The following TSPAN9 variants were observed in gnomAD, a reference collection of about 807,000 sequenced individuals.
TSPAN9 encodes the protein tetraspanin-9.
Under a neutral mutation model 31.0 loss-of-function variants are expected in TSPAN9, and 16 were observed. That is an observed-to-expected ratio of 0.52 (90% CI 0.35 to 0.78). The LOEUF (loss-of-function observed/expected upper bound fraction) is 0.78, where lower values mean the gene tolerates loss of function less well. Among genes scored for constraint, TSPAN9 ranks in the 30% least tolerant of loss-of-function variants. The pLI is 0.01. For missense variants in TSPAN9, 272 were observed against 312.5 expected, an observed-to-expected ratio of 0.87 and a Z score of 0.98; for synonymous variants, 145 against 121.6, an observed-to-expected ratio of 1.19 and a Z score of -1.27.
intron 1 of TSPAN9, among the ~76,000 whole-genome samples, chr12:3,081,575 T>G (rs1245421271): frequency 6.6e-6 from 1 of 152,096 alleles, no homozygotes; most frequent in East Asian, 1.9e-4. Flanking sequence ...GGAACCCCGG[T>G]GGCATTTTCT....
chr12:3,278,294 CGTTCTCACCTTGTCG>C, intron 3 of TSPAN9, 112 bp from the exon 4 acceptor site: 1 of 1,355,536 alleles, frequency 7.4e-7, no homozygotes, highest in Non-Finnish European at 1.0e-6. Flanking sequence ...ACGGTAGTCC[CGTTCTCACCTTGTCG>C]GTTCTCACTT....
chr12:3,216,060 C>A (rs1012574793), intron 3 of TSPAN9, among the ~76,000 whole-genome samples: 2 of 152,208 alleles, frequency 1.3e-5, no homozygotes, highest in Admixed American at 6.5e-5. Context: ...CCTTCTCAGT[C>A]GCTCTGGCCT....
chr12:3,252,737 C>T (rs1316725909), intron 3 of TSPAN9, among the ~76,000 whole-genome samples: 3 of 152,208 alleles, frequency 2.0e-5, no homozygotes, highest in Non-Finnish European at 4.4e-5. Context: ...ATCCGTGTGG[C>T]CTATTTTAAA....
intron 3 of TSPAN9, among the ~76,000 whole-genome samples, chr12:3,268,134 TAG>T (rs1862571177): frequency 2.1e-5 from 3 of 146,260 alleles, no homozygotes; most frequent in Admixed American, 7.1e-5. Flanking sequence ...GCCTATTCCG[TAG>T]GTGCTGCAGC....
chr12:3,250,251 A>G (rs921186688), intron 3 of TSPAN9, among the ~76,000 whole-genome samples: 1 of 152,160 alleles, frequency 6.6e-6, no homozygotes, highest in Admixed American at 6.5e-5. Flanking sequence ...CCCATTGCGT[A>G]AAGCTCAGAC....
intron 2 of TSPAN9, among the ~76,000 whole-genome samples, chr12:3,198,019 TCACCACCAGCACAGGC>T (rs1434717439): frequency 5.7e-5 from 1 of 17,394 alleles, no homozygotes; most frequent in African/African-American, 2.3e-4. Context: ...CCAGCACAGG[TCACCACCAGCACAGGC>T]CACCACCAGC....
At position 3,147,778 on chromosome 12, in the gene TSPAN9, C is replaced by A. The variant is rs1463997941; in HGVS notation, c.-17-53399C>A. On this transcript the variant is annotated intron_variant, in intron 2 of 8. Transcript: ENST00000011898. This position sits in a 1 kb window ranked among gnomAD's most constrained non-coding sequence, Gnocchi z 4.3. ...CCACGTCGGACGGTACTGTTCTAGACCAGTAGTTTTCACCTGCAGTGTTGG... is the reference window on the plus strand; with the variant it reads ...CCACGTCGGACGGTACTGTTCTAGAACAGTAGTTTTCACCTGCAGTGTTGG... Among the ~76,000 whole-genome samples the A allele has an allele frequency of 1.3e-5, 2 of 152,150 alleles. No homozygotes were observed. Among genetic ancestry groups the A allele is most frequent in the African/African-American group, 4.8e-5 (2 of 41,418 alleles).
At chr12:3,243,225 T>A (rs544459584) in intron 3 of TSPAN9, among the ~76,000 whole-genome samples, 76 of 152,246 alleles carry the variant, frequency 5.0e-4, no homozygotes, top group Non-Finnish European at 8.4e-4. Context: ...GAGTTCCCCA[T>A]CTCGTTGTCT....
chr12:3,084,160 C>T (rs2098299260), intron 2 of TSPAN9: 1 of 152,366 alleles, frequency 6.6e-6, no homozygotes, highest in Admixed American at 6.5e-5. Flanking sequence ...CCACCGCCCT[C>T]CACCAGGACC....
rs867683897 is a variant in TSPAN9 at position 3,230,305 on chromosome 12, T to G, written c.63+29049T>G. On this transcript the variant is annotated intron_variant, in intron 3 of 8. Transcript: ENST00000011898. ...GGACCCAAGTTTAGTTTCCAGGACT[T>G]CCTGGTGTTCAGCTGGAAGAGTGGA... Among the ~76,000 whole-genome samples the G allele has an allele frequency of 2.6e-5, 4 of 152,258 alleles. No homozygotes were observed. The Middle Eastern group carries it at 0.01, about 388-fold the overall frequency.
In TSPAN9 at chr12:3,247,307, C is replaced by T. The variant is rs12321684; in HGVS notation, c.64-31114C>T. ...ATGAGCATTACTGGCCAGCCCCCCCCCCCCCGCCACCCGCGTCCCCAAGTA... is the reference window on the plus strand; with the variant it reads ...ATGAGCATTACTGGCCAGCCCCCCCTCCCCCGCCACCCGCGTCCCCAAGTA... On this transcript the variant is annotated intron_variant, in intron 3 of 8. Transcript: ENST00000011898. Among the ~76,000 whole-genome samples, 34 of 49,506 alleles carry T rather than the reference C, an allele frequency of 6.9e-4. 4 individuals are homozygous for T. Among genetic ancestry groups the T allele is most frequent in the Non-Finnish European group, 2.1e-3 (25 of 11,814 alleles). 32.5% of individuals were successfully genotyped at this position (49,506 alleles called of 152,430 possible). A position where few individuals can be genotyped will look rare whatever the true frequency, so the allele number is the denominator to read the frequency against.
intron 3 of TSPAN9, among the ~76,000 whole-genome samples, chr12:3,212,138 A>T (rs909616187): frequency 7.2e-5 from 11 of 151,810 alleles, no homozygotes; most frequent in Non-Finnish European, 1.6e-4. Flanking sequence ...TGCCTGGCTA[A>T]TTTTTGTATT....
At chr12:3,136,446 C>T (rs570599358) in intron 2 of TSPAN9, among the ~76,000 whole-genome samples, 1 of 152,308 alleles carries the variant, frequency 6.6e-6, no homozygotes, top group East Asian at 1.9e-4. Context: ...GCCCCTGTGT[C>T]AGGTACTGGG....
At chr12:3,182,825 A>T (rs2098359140) in intron 2 of TSPAN9, among the ~76,000 whole-genome samples, 1 of 152,098 alleles carries the variant, frequency 6.6e-6, no homozygotes, top group Non-Finnish European at 1.5e-5. Context: ...ATTGGAGCCT[A>T]GAATTGGGGC....
chr12:3,278,856 G>A (rs1166318871), intron 4 of TSPAN9, 136 bp from the exon 5 acceptor site: 11 of 1,009,644 alleles, frequency 1.1e-5, no homozygotes, highest in South Asian at 1.5e-5. Flanking sequence ...AGCTATCTGG[G>A]TTTCCTCAGG....
intron 2 of TSPAN9, among the ~76,000 whole-genome samples, chr12:3,098,978 C>T (rs1487341775): frequency 6.6e-6 from 1 of 152,156 alleles, no homozygotes; most frequent in African/African-American, 2.4e-5. Flanking sequence ...GTCTCGAACT[C>T]CTGACCTCAG....
At chr12:3,108,880 A>G (rs918796509) in intron 2 of TSPAN9, among the ~76,000 whole-genome samples, 2 of 151,978 alleles carry the variant, frequency 1.3e-5, no homozygotes, top group Non-Finnish European at 2.9e-5. Context: ...TTTCATGGGT[A>G]CAATATCATT....
chr12:3,138,956 A>G (rs1409060066), intron 2 of TSPAN9, among the ~76,000 whole-genome samples: 4 of 152,024 alleles, frequency 2.6e-5, no homozygotes, highest in Non-Finnish European at 5.9e-5. Context: ...GGAAAGCTGT[A>G]CCCTGCTTCC....
chr12:3,277,075 A>G (rs1862803110), intron 3 of TSPAN9, among the ~76,000 whole-genome samples: 1 of 152,198 alleles, frequency 6.6e-6, no homozygotes, highest in South Asian at 2.1e-4. Context: ...CCTTTCCAGC[A>G]AGCAGTGCCC....
Sources: gnomAD v4.1 joint callset for allele counts (sites outside exome capture counted in the v4.1 genomes callset) on GRCh38, gnomAD v4.1.1 for gene constraint, Gnocchi (gnomAD v3.1) non-coding constraint, MANE v1.5 for transcripts, NCBI Gene and HGNC (gene_info 2026-07-23, HGNC 2026-07-21) for gene names.